PHACTR1: variants seen among roughly 807,000 people sequenced by gnomAD.
The protein encoded by PHACTR1 is phosphatase and actin regulator 1, also known as RPEL repeat containing 1.
Under a neutral mutation model 69.2 loss-of-function variants are expected in PHACTR1, and 16 were observed. The ratio of observed to expected loss-of-function variants is 0.23; its 90% CI spans 0.16 to 0.35. PHACTR1 has a LOEUF of 0.35. PHACTR1 is among the 10% of genes least tolerant of loss of function. The probability of loss-of-function intolerance (pLI) is 1.00; values close to 1 mark genes in which losing one functional copy is unlikely to be tolerated. For missense variants in PHACTR1, 510 were observed against 734.7 expected (o/e 0.69, Z 3.54); for synonymous variants, 312 against 284.5 (o/e 1.10, Z -0.97).
intron 3 of PHACTR1, among the ~76,000 whole-genome samples, chr6:12,746,999 G>A (rs749970891): frequency 5.9e-5 from 9 of 152,168 alleles, no homozygotes; most frequent in Non-Finnish European, 1.3e-4. Context: ...CAATAGATTG[G>A]TTTACAGCCT....
intron 4 of PHACTR1, among the ~76,000 whole-genome samples, chr6:12,999,326 A>G (rs899145904): frequency 5.9e-5 from 9 of 152,208 alleles, no homozygotes; most frequent in Admixed American, 2.6e-4. Context: ...GAGGCCGGGC[A>G]TGGTGGCTCA....
intron 5 of PHACTR1, among the ~76,000 whole-genome samples, chr6:13,152,977 G>A (rs1420984873): frequency 6.6e-6 from 1 of 152,168 alleles, no homozygotes; most frequent in African/African-American, 2.4e-5. Context: ...TAGTCATCTA[G>A]TACCGGCCCT....
Position 13,017,098 on chromosome 6 carries a change from A to T in PHACTR1, c.251-36267A>T, listed in dbSNP as rs184455147. 2.7e-3 allele frequency among the ~76,000 whole-genome samples: 395 copies of T among 146,016 alleles called. 3 individuals carry two copies. Among genetic ancestry groups the T allele is most frequent in the Non-Finnish European group, 4.7e-3 (312 of 67,038 alleles). Reference sequence around the variant, plus strand: ...CTACTGGGGAGGCTGAGGCAGGAGAATTGCTTGAACCCAGGAGGTGGAGGT... The same window carrying T: ...CTACTGGGGAGGCTGAGGCAGGAGATTTGCTTGAACCCAGGAGGTGGAGGT... On this transcript the variant is annotated intron_variant, in intron 4 of 14. Coordinates refer to ENST00000332995, the MANE Select transcript of PHACTR1 (RefSeq NM_030948.6).
rs760278542 is a variant in PHACTR1 at position 13,058,548 on chromosome 6, T to A, written c.415+5019T>A. Among the ~76,000 whole-genome samples, 80 of 152,072 alleles carry A rather than the reference T, an allele frequency of 5.3e-4. 1 individual carries two copies. The highest frequency in any genetic ancestry group is 1.1e-3 in the Non-Finnish European group (72 of 68,020). ...CTAGTCAGTGACCTCCTGGCATGCA[T>A]GATATAATGGAGAAACAGCTGGTCC... On this transcript the variant is annotated intron_variant, in intron 5 of 14. Coordinates refer to ENST00000332995, the MANE Select transcript of PHACTR1 (RefSeq NM_030948.6).
At chr6:12,978,011 C>T (rs1230327040) in intron 4 of PHACTR1, among the ~76,000 whole-genome samples, 1 of 152,230 alleles carries the variant, frequency 6.6e-6, no homozygotes, top group African/African-American at 2.4e-5. Context: ...TCTCCCAAGG[C>T]CTTTGGAAAG....
rs766323628 is a variant in PHACTR1 at position 13,227,882 on chromosome 6, C to G, written c.1053C>G (p.Val351=). The change falls in exon 9 of 15, where the codon GTC becomes GTG. Residue 351 remains valine, a synonymous_variant. Transcript: ENST00000332995. ...HSSGLHSGDG[V]TKAGPMGLPE... is the part of the protein sequence containing the mutation. ...CTGGGTTGCACTCGGGTGATGGGGTCACCAAAGCAGGACCTATGGGCCTTC... is the reference window on the plus strand; with the variant it reads ...CTGGGTTGCACTCGGGTGATGGGGTGACCAAAGCAGGACCTATGGGCCTTC... 3.0e-5 allele frequency: 48 copies of G among 1,613,918 alleles called. 1 individual carries two copies. In the Admixed American group the frequency reaches 8.0e-4, roughly 27 times the overall value.
At chr6:13,271,770 CA>C (rs1206440636) in intron 10 of PHACTR1, among the ~76,000 whole-genome samples, 7 of 151,876 alleles carry the variant, frequency 4.6e-5, no homozygotes, top group African/African-American at 1.7e-4. Context: ...CACAGAGGAC[CA>C]ACTGTAGTTA....
intron 10 of PHACTR1, chr6:13,253,036 T>C: frequency 2.2e-6 from 1 of 455,186 alleles, no homozygotes; most frequent in Non-Finnish European, 4.4e-6. Flanking sequence ...GGGAGACAGC[T>C]GGAAGGAAAA....
At chr6:13,133,444 C>A (rs1171980741) in intron 5 of PHACTR1, among the ~76,000 whole-genome samples, 1 of 151,962 alleles carries the variant, frequency 6.6e-6, no homozygotes, top group Non-Finnish European at 1.5e-5. Flanking sequence ...CAGGCGCGCG[C>A]CGCCACACCT....
chr6:13,073,104 C>T (rs1321407110), intron 5 of PHACTR1, among the ~76,000 whole-genome samples: 2 of 151,728 alleles, frequency 1.3e-5, no homozygotes, highest in African/African-American at 4.9e-5. Flanking sequence ...ATCAGAATAA[C>T]TGAAGTTTAG....
At chr6:13,127,102 A>G (rs1319764296) in intron 5 of PHACTR1, among the ~76,000 whole-genome samples, 1 of 152,196 alleles carries the variant, frequency 6.6e-6, no homozygotes, top group African/African-American at 2.4e-5. Flanking sequence ...GGTTTGGGCT[A>G]AGGTAGTTAA....
chr6:13,071,146 G>T (rs190268809), intron 5 of PHACTR1, among the ~76,000 whole-genome samples: 2 of 152,256 alleles, frequency 1.3e-5, no homozygotes, highest in Non-Finnish European at 2.9e-5. Flanking sequence ...AGAAAGTTGT[G>T]CCGGGTGCAG....
intron 4 of PHACTR1, among the ~76,000 whole-genome samples, chr6:12,840,417 C>T (rs1778577257): frequency 6.6e-6 from 1 of 152,144 alleles, no homozygotes; most frequent in Non-Finnish European, 1.5e-5. Context: ...CTCCATCATG[C>T]TAACAACCTA....
chr6:12,720,062 T>C (rs773581058), intron 3 of PHACTR1, among the ~76,000 whole-genome samples: 1 of 151,994 alleles, frequency 6.6e-6, no homozygotes, highest in South Asian at 2.1e-4. Flanking sequence ...TAAAGACACA[T>C]AAAAATGTGA....
chr6:13,084,073 G>T (rs545043398), intron 5 of PHACTR1, among the ~76,000 whole-genome samples: 1 of 151,914 alleles, frequency 6.6e-6, no homozygotes, highest in Non-Finnish European at 1.5e-5. Flanking sequence ...ACACATGCAC[G>T]TGTATGTTTA....
chr6:12,883,242 CTCTT>C lies in PHACTR1; in HGVS notation c.250+133456_250+133459del, dbSNP rs768509552. Among the ~76,000 whole-genome samples, 3 of 152,270 alleles carry C rather than the reference CTCTT, an allele frequency of 2.0e-5. No individual in the cohort carries two copies. In the East Asian group the frequency reaches 5.8e-4, roughly 29 times the overall value. On this transcript the variant is annotated intron_variant, in intron 4 of 14. Coordinates refer to ENST00000332995, the MANE Select transcript of PHACTR1 (RefSeq NM_030948.6). Reference sequence around the variant, plus strand: ...TGTTTGTTTGTTTTTGAGACAGAGTCTCTTTCTATCACCCAGGCTGGAGTGCAGT... The same window carrying C: ...TGTTTGTTTGTTTTTGAGACAGAGTCTCTATCACCCAGGCTGGAGTGCAGT...
At chr6:12,959,202 A>AAAAAAAAAAAAAAAAAAAAAAG (rs1562056492) in intron 4 of PHACTR1, among the ~76,000 whole-genome samples, 2 of 69,128 alleles carry the variant, frequency 2.9e-5, no homozygotes, top group African/African-American at 1.1e-4. Flanking sequence ...AAAAGAAAAG[A>AAAAAAAAAAAAAAAAAAAAAAG]AAAAAAAAAG....
At chr6:12,881,686 C>T (rs1267631808) in intron 4 of PHACTR1, among the ~76,000 whole-genome samples, 2 of 152,064 alleles carry the variant, frequency 1.3e-5, no homozygotes, top group South Asian at 4.2e-4. Flanking sequence ...GGTCCTGTTG[C>T]CCACGGAATC....
Position 12,736,488 on chromosome 6 carries a change from A to G in PHACTR1, c.104-13156A>G, listed in dbSNP as rs186758736. ...AAGACTGCCAGTAAGTCTAGGACAT[A>G]TTACCCTTAATATCAATACTGTCCA... On this transcript the variant is annotated intron_variant, in intron 3 of 14. Transcript: ENST00000332995. Among the ~76,000 whole-genome samples, 17 of 152,294 alleles carry G rather than the reference A, an allele frequency of 1.1e-4. No homozygotes were observed. In the East Asian group the frequency reaches 3.3e-3, roughly 29 times the overall value.
Sources: gnomAD v4.1 joint callset for allele counts (sites outside exome capture counted in the v4.1 genomes callset) on GRCh38, gnomAD v4.1.1 for gene constraint, MANE v1.5 for transcripts, NCBI Gene and HGNC (gene_info 2026-07-23, HGNC 2026-07-21) for gene names.